The following RAB27A variants were observed in gnomAD, a reference collection of about 807,000 sequenced individuals.
RAB27A encodes the protein ras-related protein Rab-27A.
A neutral mutation model predicts 20.8 loss-of-function variants in RAB27A; 17 were observed. The observed-to-expected ratio is 0.82, with a 90% CI of 0.56 to 1.23. The LOEUF is 1.23. Among genes scored for constraint, RAB27A ranks in the 50% most tolerant of loss-of-function variants. The pLI is 0.00. For missense variants in RAB27A, 277 were observed against 266.7 expected (o/e 1.04, Z -0.27); for synonymous variants, 85 against 92.8 (o/e 0.92, Z 0.48).
At chr15:55,316,161 G>C (rs553003852) in intron 1 of RAB27A, among the ~76,000 whole-genome samples, 1 of 151,434 alleles carries the variant, frequency 6.6e-6, no homozygotes, top group East Asian at 1.9e-4. Context: ...CCTGGGAGGC[G>C]GAGGCAGAGG....
At chr15:55,241,642 G>GT (rs67185704) in intron 2 of RAB27A, among the ~76,000 whole-genome samples, 13,502 of 124,808 alleles carry the variant, frequency 0.11, 892 homozygotes, top group South Asian at 0.16. Flanking sequence ...ATATATATTT[G>GT]TTTTTTTTTT....
chr15:55,309,873 G>A (rs1207199133), intron 2 of RAB27A, among the ~76,000 whole-genome samples: 2 of 152,046 alleles, frequency 1.3e-5, no homozygotes, highest in Non-Finnish European at 2.9e-5. Flanking sequence ...TGGGCTTTTA[G>A]GTCCTTAACA....
intron 1 of RAB27A, among the ~76,000 whole-genome samples, chr15:55,316,715 T>C (rs2055045982): frequency 6.6e-6 from 1 of 152,206 alleles, no homozygotes; most frequent in Non-Finnish European, 1.5e-5. Context: ...AACTACTCCC[T>C]TAACACAATT....
chr15:55,209,948 AC>A (rs145649395), intron 6 of RAB27A, among the ~76,000 whole-genome samples: 1,221 of 81,112 alleles, frequency 0.015, 309 homozygotes, highest in African/African-American at 0.069. Context: ...ACATGTACAC[AC>A]ATACGCATAT....
intron 6 of RAB27A, among the ~76,000 whole-genome samples, chr15:55,217,899 T>C (rs1011342782): frequency 6.6e-6 from 1 of 152,032 alleles, no homozygotes; most frequent in Admixed American, 6.6e-5. Flanking sequence ...TTATAATGCA[T>C]TTCCAAAAAT....
chr15:55,251,312 C>T (rs1896880752), intron 2 of RAB27A, among the ~76,000 whole-genome samples: 2 of 152,158 alleles, frequency 1.3e-5, no homozygotes, highest in South Asian at 4.1e-4. Context: ...TAGGAAGAGT[C>T]TTGAGAACAA....
intron 6 of RAB27A, among the ~76,000 whole-genome samples, chr15:55,221,772 T>G (rs929796643): frequency 6.6e-6 from 1 of 152,144 alleles, no homozygotes; most frequent in Non-Finnish European, 1.5e-5. Flanking sequence ...CTCATCTTAT[T>G]GTCATAAACC....
intron 6 of RAB27A, among the ~76,000 whole-genome samples, chr15:55,223,474 A>T (rs1420125063): frequency 6.6e-6 from 1 of 150,916 alleles, no homozygotes; most frequent in Non-Finnish European, 1.5e-5. Context: ...GTGCCACTGC[A>T]CTCCAGCCTG....
At chr15:55,302,319 G>A (rs1000383125) in intron 2 of RAB27A, among the ~76,000 whole-genome samples, 2 of 152,096 alleles carry the variant, frequency 1.3e-5, no homozygotes, top group East Asian at 1.9e-4. Context: ...GAGTGATCCC[G>A]CCAACCTCGG....
chr15:55,281,864 T>G (rs1566935284), intron 1 of RAB27A, among the ~76,000 whole-genome samples: 1 of 152,196 alleles, frequency 6.6e-6, no homozygotes, highest in Non-Finnish European at 1.5e-5. Context: ...TAAGGGATTT[T>G]AAGCAGAAGG....
rs1001351367 is a variant in RAB27A, at chr15:55,234,900, A to G, written c.35T>C (p.Phe12Ser). The change falls in exon 3 of 7, where the codon TTT (phenylalanine) becomes TCT (serine). Residue 12 changes from phenylalanine (F) to serine (S), a missense_variant. Coordinates refer to ENST00000336787, the MANE Select transcript of RAB27A (RefSeq NM_183235.3). Reference protein sequence around the residue: ...SDGDYDYLIKFLALGDSGVGK... With the variant: ...SDGDYDYLIKSLALGDSGVGK... ...TACACCAGAGTCTCCCAAAGCTAAA[A>G]ACTTGATGAGGTAATCATAATCTCC... 5.0e-6 allele frequency: 8 copies of G among 1,612,870 alleles called. No homozygotes were observed. In the East Asian group the frequency reaches 1.8e-4, roughly 36 times the overall value.
intron 1 of RAB27A, among the ~76,000 whole-genome samples, chr15:55,273,906 G>T (rs1480573091): frequency 6.6e-6 from 1 of 152,156 alleles, no homozygotes; most frequent in Non-Finnish European, 1.5e-5. Context: ...GAATTAACAG[G>T]CACATACAGA....
In RAB27A at chr15:55,301,468, A is replaced by G. The variant is rs375527281; in HGVS notation, c.-112+12571T>C. 1.3e-4 allele frequency among the ~76,000 whole-genome samples: 20 copies of G among 152,184 alleles called. 1 individual carries two copies. Among genetic ancestry groups the G allele is most frequent in the Admixed American group, 7.2e-4 (11 of 15,282 alleles). On this transcript the variant is annotated intron_variant, in intron 2 of 5. Coordinates refer to the RAB27A transcript ENST00000563262. ...CACACACAATAAAGTTCACCCCTTA[A>G]AAGTGTACAATTCAGTGGTTTGCAT...
chr15:55,245,141 C>A (rs998632923), intron 2 of RAB27A, among the ~76,000 whole-genome samples: 1 of 152,166 alleles, frequency 6.6e-6, no homozygotes, highest in Admixed American at 6.5e-5. Flanking sequence ...CAGACCATTA[C>A]AATTCCTACA....
Position 55,234,938 on chromosome 15 carries a change from G to A in RAB27A, c.-4C>T. On this transcript the variant is annotated 5_prime_UTR_variant, in exon 3 of 7. Transcript: ENST00000336787. ...AATCATAATCTCCATCAGACATAAT[G>A]AAGAACTCAGTAGTTCACCTGTAAA... 6.2e-7 allele frequency: 1 copy of A among 1,610,232 alleles called. No homozygotes were observed. Among genetic ancestry groups the A allele is most frequent in the Middle Eastern group, 1.7e-4 (1 of 6,034 alleles).
At chr15:55,223,523 A>G (rs1454408118) in intron 6 of RAB27A, among the ~76,000 whole-genome samples, 2 of 151,116 alleles carry the variant, frequency 1.3e-5, no homozygotes, top group Non-Finnish European at 2.9e-5. Flanking sequence ...AAAAAAAAGA[A>G]AAGAAATGAA....
At chr15:55,246,007 C>T (rs1032274104) in intron 2 of RAB27A, among the ~76,000 whole-genome samples, 2 of 151,972 alleles carry the variant, frequency 1.3e-5, no homozygotes, top group African/African-American at 4.8e-5. Flanking sequence ...TTACTTGAAT[C>T]CGGTAGGTTC....
chr15:55,294,108 A>G (rs552725718), upstream of RAB27A, among the ~76,000 whole-genome samples: 1 of 152,060 alleles, frequency 6.6e-6, no homozygotes, highest in East Asian at 1.9e-4. Flanking sequence ...CCTGATTTCA[A>G]AATGTACTAC....
chr15:55,228,740 T>C (rs781017259), intron 4 of RAB27A, 28 bp from the exon 5 acceptor site: 1 of 1,492,674 alleles, frequency 6.7e-7, no homozygotes, highest in South Asian at 1.1e-5. Flanking sequence ...GAATGGTCAG[T>C]TAAACCACGG....
Sources: gnomAD v4.1 joint callset for allele counts (sites outside exome capture counted in the v4.1 genomes callset) on GRCh38, gnomAD v4.1.1 for gene constraint, MANE v1.5 for transcripts, NCBI Gene and HGNC (gene_info 2026-07-23, HGNC 2026-07-21) for gene names.